Variants in GPC5 observed in about 807,000 individuals in gnomAD.
GPC5 encodes the protein glypican-5.
Under a neutral mutation model 53.9 loss-of-function variants are expected in GPC5, and 47 were observed. The observed-to-expected ratio is 0.87, with a 90% CI of 0.69 to 1.11. The LOEUF (loss-of-function observed/expected upper bound fraction) is 1.11. Among genes scored for constraint, GPC5 ranks in the 50% most tolerant of loss-of-function variants. GPC5 has a pLI of 0.00. For synonymous variants in GPC5, 286 were observed against 263.3 expected, an observed-to-expected ratio of 1.09 and a Z score of -0.84; for missense variants, 748 against 713.1, an observed-to-expected ratio of 1.05 and a Z score of -0.56.
chr13:92,225,623 T>G (rs909151824), intron 7 of GPC5, among the ~76,000 whole-genome samples: 10 of 152,186 alleles, frequency 6.6e-5, no homozygotes, highest in African/African-American at 2.4e-4. Flanking sequence ...GCTTTCTGGA[T>G]ACATATAAAA....
At chr13:91,971,746 G>A (rs1438188656) in intron 6 of GPC5, among the ~76,000 whole-genome samples, 1 of 152,188 alleles carries the variant, frequency 6.6e-6, no homozygotes, top group Admixed American at 6.5e-5. Flanking sequence ...TCAGAAGCAT[G>A]TTGTTAAGTT....
chr13:92,852,254 G>C (rs1248485521), intron 7 of GPC5, among the ~76,000 whole-genome samples: 1 of 152,140 alleles, frequency 6.6e-6, no homozygotes, highest in African/African-American at 2.4e-5. Flanking sequence ...CACGACTCTG[G>C]TTTGACCATT....
chr13:92,138,420 T>A (rs2138973576), intron 6 of GPC5, among the ~76,000 whole-genome samples: 1 of 152,018 alleles, frequency 6.6e-6, no homozygotes, highest in Non-Finnish European at 1.5e-5. Flanking sequence ...CTCGGTAGGC[T>A]GACACAGGAG....
chr13:91,970,691 G>A (rs1323812594), intron 6 of GPC5, among the ~76,000 whole-genome samples: 5 of 152,202 alleles, frequency 3.3e-5, no homozygotes, highest in Non-Finnish European at 7.4e-5. Flanking sequence ...GTTGAATTTT[G>A]TCAAAGGCCT....
chr13:92,230,792 A>C (rs1267138562), intron 7 of GPC5, among the ~76,000 whole-genome samples: 2 of 152,206 alleles, frequency 1.3e-5, no homozygotes, highest in East Asian at 3.8e-4. Flanking sequence ...TACCTGGTGC[A>C]CTGATTGGCA....
intron 7 of GPC5, among the ~76,000 whole-genome samples, chr13:92,772,430 T>C (rs1037064731): frequency 1.3e-5 from 2 of 152,224 alleles, no homozygotes; most frequent in Non-Finnish European, 2.9e-5. Flanking sequence ...ATGGGGCCTT[T>C]GCACTTGCTG....
intron 7 of GPC5, among the ~76,000 whole-genome samples, chr13:92,634,050 T>C (rs1885339831): frequency 6.6e-6 from 1 of 152,074 alleles, no homozygotes; most frequent in South Asian, 2.1e-4. Context: ...TATTTAGTAA[T>C]ATATGATGAA....
chr13:92,158,695 C>CA (rs141458479), intron 7 of GPC5, among the ~76,000 whole-genome samples: 8,380 of 152,124 alleles, frequency 0.055, 478 homozygotes, highest in African/African-American at 0.14. Context: ...ATCTCTTGCC[C>CA]AATTGGTCAC....
intron 6 of GPC5, among the ~76,000 whole-genome samples, chr13:92,141,874 TCA>T (rs2041833969): frequency 6.6e-6 from 1 of 152,096 alleles, no homozygotes; most frequent in Admixed American, 6.5e-5. Context: ...CAGGTCACTC[TCA>T]GCTCCAAGAG....
At chr13:92,127,148 C>A (rs61454360) in intron 6 of GPC5, among the ~76,000 whole-genome samples, 5 of 151,468 alleles carry the variant, frequency 3.3e-5, no homozygotes, top group Admixed American at 1.3e-4. Context: ...GAGGAAACAG[C>A]GAAAAACCAG....
At chr13:91,452,848 G>A (rs1303225270) in intron 2 of GPC5, among the ~76,000 whole-genome samples, 1 of 151,852 alleles carries the variant, frequency 6.6e-6, no homozygotes, top group Non-Finnish European at 1.5e-5. Flanking sequence ...TTGGAAGCTT[G>A]TGTTTTGTGT....
At chr13:92,455,890 C>A (rs976747453) in intron 7 of GPC5, among the ~76,000 whole-genome samples, 1 of 152,150 alleles carries the variant, frequency 6.6e-6, no homozygotes, top group Non-Finnish European at 1.5e-5. Context: ...TATCAAAAAA[C>A]GTGTCTCTTT....
chr13:91,603,464 G>C (rs1199587972), intron 2 of GPC5, among the ~76,000 whole-genome samples: 4 of 152,206 alleles, frequency 2.6e-5, no homozygotes, highest in African/African-American at 9.6e-5. Context: ...GGCAGAAGTG[G>C]TCAGTGGCCC....
intron 2 of GPC5, among the ~76,000 whole-genome samples, chr13:91,677,386 T>G (rs2035408379): frequency 6.6e-6 from 1 of 152,178 alleles, no homozygotes; most frequent in African/African-American, 2.4e-5. Flanking sequence ...TAACTCCAGT[T>G]TTATGGAATT....
chr13:92,436,056 T>G (rs917112858), intron 7 of GPC5, among the ~76,000 whole-genome samples: 1 of 152,202 alleles, frequency 6.6e-6, no homozygotes. Flanking sequence ...GACTATTCTG[T>G]TATTTTGATA....
At position 92,827,838 on chromosome 13, in the gene GPC5, C is replaced by T. The variant is rs146115447; in HGVS notation, c.1562-38444C>T. Among the ~76,000 whole-genome samples the T allele has an allele frequency of 5.6e-3, 853 of 152,090 alleles. 6 individuals are homozygous for T. Among genetic ancestry groups the T allele is most frequent in the Non-Finnish European group, 9.1e-3 (619 of 67,974 alleles). On this transcript the variant is annotated intron_variant, in intron 7 of 7. Coordinates refer to ENST00000377067, the MANE Select transcript of GPC5 (RefSeq NM_004466.6). ...GATGGAAGAGAGCCAGAAATGACAA[C>T]GGTTGGAGTCAACTGGGAGTGCCAG...
chr13:92,034,846 T>C (rs538755833), intron 6 of GPC5, among the ~76,000 whole-genome samples: 1 of 152,290 alleles, frequency 6.6e-6, no homozygotes, highest in East Asian at 1.9e-4. Context: ...CTTTGGCATC[T>C]GTGTATGTTA....
intron 2 of GPC5, among the ~76,000 whole-genome samples, chr13:91,494,211 GA>G (rs1460448549): frequency 6.6e-6 from 1 of 151,640 alleles, no homozygotes; most frequent in Non-Finnish European, 1.5e-5. Context: ...CTGTTGTTAT[GA>G]ATGACCTGTT....
chr13:92,823,673 T>C (rs943859236), intron 7 of GPC5, among the ~76,000 whole-genome samples: 4 of 152,088 alleles, frequency 2.6e-5, no homozygotes, highest in Admixed American at 2.6e-4. Flanking sequence ...TTTACTAGCA[T>C]TGCAATTAAA....
Sources: gnomAD v4.1 joint callset for allele counts (sites outside exome capture counted in the v4.1 genomes callset) on GRCh38, gnomAD v4.1.1 for gene constraint, MANE v1.5 for transcripts, NCBI Gene and HGNC (gene_info 2026-07-23, HGNC 2026-07-21) for gene names.